Variants in POLDIP3 observed in about 807,000 individuals in gnomAD.
POLDIP3 encodes the protein DNA polymerase delta interacting protein 3.
In POLDIP3, 14 loss-of-function variants were observed where a neutral mutation model predicts 45.1. The observed-to-expected ratio is 0.31, with a 90% CI of 0.20 to 0.49. The LOEUF (loss-of-function observed/expected upper bound fraction) is 0.49, where lower values mean the gene tolerates loss of function less well. Ranked by LOEUF, POLDIP3 falls within the 20% of genes least tolerant of loss-of-function variation. The pLI is 0.99. For synonymous variants in POLDIP3, 223 were observed against 205.2 expected, an observed-to-expected ratio of 1.09 and a Z score of -0.74; for missense variants, 511 against 538.8, an observed-to-expected ratio of 0.95 and a Z score of 0.51.
intron 8 of POLDIP3, among the ~76,000 whole-genome samples, chr22:42,586,181 A>C (rs1295913001): frequency 6.6e-6 from 1 of 152,074 alleles, no homozygotes; most frequent in African/African-American, 2.4e-5. Flanking sequence ...ACAGCCTCCT[A>C]AGGAGCTAGG....
chr22:42,593,327 T>C (rs377311567), intron 6 of POLDIP3, among the ~76,000 whole-genome samples: 12 of 152,308 alleles, frequency 7.9e-5, no homozygotes, highest in African/African-American at 2.4e-4. Context: ...TTTATTACCA[T>C]TGTCCTTTTA....
chr22:42,606,124 A>T (rs940891174), intron 1 of POLDIP3, among the ~76,000 whole-genome samples: 1 of 152,218 alleles, frequency 6.6e-6, no homozygotes, highest in Non-Finnish European at 1.5e-5. Context: ...CCTGGGCGAC[A>T]GAGCAAGACT....
chr22:42,611,876 C>CA (rs1443351392), intron 1 of POLDIP3, among the ~76,000 whole-genome samples: 9 of 151,620 alleles, frequency 5.9e-5, no homozygotes, highest in South Asian at 2.1e-4. Context: ...GACTCCATCT[C>CA]AAAAAAAATA....
At chr22:42,606,387 T>C (rs554723854) in intron 1 of POLDIP3, among the ~76,000 whole-genome samples, 3 of 151,944 alleles carry the variant, frequency 2.0e-5, no homozygotes, top group Admixed American at 1.3e-4. Context: ...TCTCAGCACT[T>C]TGGAAAGCTG....
intron 1 of POLDIP3, among the ~76,000 whole-genome samples, chr22:42,607,364 C>G (rs920661758): frequency 6.6e-6 from 1 of 152,270 alleles, no homozygotes; most frequent in East Asian, 1.9e-4. Flanking sequence ...CTGCCTGCCT[C>G]GGCCTCCCGA....
At chr22:42,610,867 C>G (rs552784944) in intron 1 of POLDIP3, among the ~76,000 whole-genome samples, 1 of 152,276 alleles carries the variant, frequency 6.6e-6, no homozygotes, top group South Asian at 2.1e-4. Context: ...GATCTTGCCA[C>G]TGCACTCCAG....
At position 42,585,885 on chromosome 22, in the gene POLDIP3, G is replaced by A. The variant is rs1031990459; in HGVS notation, c.1172C>T (p.Ala391Val). ...VNSASSSNPP[A>V]EVDPDTILKA... ...CAGGATGGTGTCAGGGTCCACTTCG[G>A]CAGGGGGGTTGGAGGAGGAGGCAGA... Residue 391 changes from alanine (A) to valine (V), a missense_variant, in exon 9 of 9, where the codon GCC becomes GTC. This residue lies in a region of POLDIP3 where 45 missense variants were observed against 34.3 expected (regional missense o/e 1.31). Transcript: ENST00000252115. 2 of 1,613,450 alleles carry A rather than the reference G, an allele frequency of 1.2e-6. No homozygotes were observed. Among genetic ancestry groups the A allele is most frequent in the Non-Finnish European group, 1.7e-6 (2 of 1,179,986 alleles).
chr22:42,594,143 C>A (rs768755869), intron 6 of POLDIP3, among the ~76,000 whole-genome samples: 8 of 152,148 alleles, frequency 5.3e-5, no homozygotes, highest in Non-Finnish European at 8.8e-5. Flanking sequence ...CGCCTATAAT[C>A]CCAGCTACCA....
chr22:42,606,482 A>C (rs938905295), intron 1 of POLDIP3, among the ~76,000 whole-genome samples: 2 of 152,178 alleles, frequency 1.3e-5, no homozygotes, highest in African/African-American at 4.8e-5. Context: ...ATGAAAGCAG[A>C]AAATTATCTG....
intron 6 of POLDIP3, 134 bp downstream of exon 6, chr22:42,595,403 G>C: frequency 2.6e-6 from 2 of 772,168 alleles, no homozygotes; most frequent in Non-Finnish European, 2.2e-6. Context: ...GCTGTCATTA[G>C]TCTCAGCCCT....
intron 3 of POLDIP3, among the ~76,000 whole-genome samples, chr22:42,601,239 G>A (rs1411354078): frequency 4.6e-5 from 7 of 151,636 alleles, no homozygotes; most frequent in Non-Finnish European, 7.4e-5. Context: ...GGCCGGGCGC[G>A]GTGGCTCACA....
chr22:42,599,619 A>C, intron 4 of POLDIP3, 79 bp downstream of exon 4: 1 of 1,119,094 alleles, frequency 8.9e-7, no homozygotes, highest in East Asian at 2.4e-5. Context: ...AAACAAAAAA[A>C]ACAACAGGTT....
In POLDIP3 at chr22:42,604,340, G is replaced by A. The variant is rs953794145; in HGVS notation, c.60-1180C>T. On this transcript the variant is annotated intron_variant, in intron 1 of 8. Coordinates refer to ENST00000252115, the MANE Select transcript of POLDIP3 (RefSeq NM_032311.5). ...TTTTGCAGGGCCCAGCACCTCCTAA[G>A]CAGCATCGAGCCCTGGCTGAGTGTC... Among the ~76,000 whole-genome samples the A allele has an allele frequency of 2.0e-5, 3 of 152,284 alleles. 1 individual carries two copies. The South Asian group carries it at 6.2e-4, about 32-fold the overall frequency.
chr22:42,608,559 G>A (rs903103725), intron 1 of POLDIP3, among the ~76,000 whole-genome samples: 3 of 152,114 alleles, frequency 2.0e-5, no homozygotes, highest in Non-Finnish European at 4.4e-5. Context: ...TATATATAAA[G>A]GAAGGATAAA....
chr22:42,592,585 T>A lies in POLDIP3; in HGVS notation c.892-501A>T, dbSNP rs189347652. 4.4e-3 allele frequency among the ~76,000 whole-genome samples: 668 copies of A among 152,320 alleles called. 3 individuals are homozygous for A. The highest frequency in any genetic ancestry group is 0.02 in the Middle Eastern group (6 of 294). On this transcript the variant is annotated intron_variant, in intron 6 of 8. Transcript: ENST00000252115. ...GAGTCCCCAGCAAAACAGGGACAGT[T>A]GGTCACTCTAAGTCAGACCTGAGTT...
chr22:42,611,121 ATAAT>A (rs1394200488), intron 1 of POLDIP3, among the ~76,000 whole-genome samples: 3 of 152,136 alleles, frequency 2.0e-5, no homozygotes, highest in Non-Finnish European at 4.4e-5. Flanking sequence ...GAATCTTTTA[ATAAT>A]TAATTGGAGG....
At chr22:42,599,464 C>T (rs970234919) in intron 4 of POLDIP3, among the ~76,000 whole-genome samples, 3 of 152,154 alleles carry the variant, frequency 2.0e-5, no homozygotes, top group East Asian at 1.9e-4. Flanking sequence ...ATTAGCTGGG[C>T]GTGGCGGCAG....
At chr22:42,589,131 C>T (rs989331969) in intron 7 of POLDIP3, among the ~76,000 whole-genome samples, 1 of 151,672 alleles carries the variant, frequency 6.6e-6, no homozygotes, top group African/African-American at 2.4e-5. Context: ...TAGTCTCAGC[C>T]ACTCAGGAGG....
intron 1 of POLDIP3, among the ~76,000 whole-genome samples, chr22:42,613,709 C>T (rs1282495770): frequency 1.3e-5 from 2 of 152,088 alleles, no homozygotes; most frequent in East Asian, 1.9e-4. Flanking sequence ...TGCAGTGAGC[C>T]GAGATGGCAC....
Sources: gnomAD v4.1 joint callset for allele counts (sites outside exome capture counted in the v4.1 genomes callset) on GRCh38, gnomAD v4.1.1 for gene constraint, gnomAD v4.1.1 regional missense constraint, MANE v1.5 for transcripts, NCBI Gene and HGNC (gene_info 2026-07-23, HGNC 2026-07-21) for gene names.